TGFB2: variants seen among roughly 807,000 people sequenced by gnomAD.
TGFB2 encodes the protein transforming growth factor beta-2 proprotein.
A neutral mutation model predicts 42.7 loss-of-function variants in TGFB2; 13 were observed. The ratio of observed to expected loss-of-function variants is 0.30; its 90% CI spans 0.20 to 0.48. The LOEUF is 0.48. Among genes scored for constraint, TGFB2 ranks in the 20% least tolerant of loss-of-function variants. The probability of loss-of-function intolerance (pLI) is 0.99; values close to 1 mark genes in which losing one functional copy is unlikely to be tolerated. For synonymous variants in TGFB2, 193 were observed against 193.6 expected, an observed-to-expected ratio of 1.00 and a Z score of 0.03; for missense variants, 390 against 517.5, an observed-to-expected ratio of 0.75 and a Z score of 2.39.
Position 218,346,923 on chromosome 1 carries a change from C to G in TGFB2, c.222C>G (p.Thr74=). 6.2e-7 allele frequency: 1 copy of G among 1,614,202 alleles called. No individual in the cohort carries two copies. The highest frequency in any genetic ancestry group is 1.3e-5 in the African/African-American group (1 of 75,060). ...AGGTGATTTCCATCTACAACAGCAC[C>G]AGGGACTTGCTCCAGGAGAAGGCGA... The part of the protein sequence containing the change: ...PPEVISIYNS[T]RDLLQEKASR... Residue 74 remains threonine, a synonymous_variant, in exon 1 of 7, where the codon ACC becomes ACG. Transcript: ENST00000366930. The surrounding 1 kb of genome is among the most constrained non-coding windows in gnomAD (Gnocchi z 4.9).
At chr1:218,391,628 C>G (rs947711) in intron 1 of TGFB2, among the ~76,000 whole-genome samples, 58,348 of 151,930 alleles carry the variant, frequency 0.38, 13,479 homozygotes, top group African/African-American at 0.67. Context: ...TATTTAAAAT[C>G]AGGACTTAAA....
chr1:218,389,401 G>A (rs765030264), intron 1 of TGFB2, among the ~76,000 whole-genome samples: 48 of 152,254 alleles, frequency 3.2e-4, no homozygotes, highest in African/African-American at 1.1e-3. Context: ...ACCCTCGCCC[G>A]ATAGAGAGGC....
chr1:218,363,473 T>C, intron 1 of TGFB2: 1 of 1,533,592 alleles, frequency 6.5e-7, no homozygotes. Context: ...CAAATCCATC[T>C]TTAGTGTTTG....
chr1:218,348,935 G>C (rs1470662947), intron 1 of TGFB2, among the ~76,000 whole-genome samples: 2 of 152,170 alleles, frequency 1.3e-5, no homozygotes, highest in African/African-American at 4.8e-5. Flanking sequence ...TAACCCAAGA[G>C]GGCATTAGTT....
intron 1 of TGFB2, among the ~76,000 whole-genome samples, chr1:218,397,951 G>C (rs775438507): frequency 1.3e-5 from 2 of 152,168 alleles, no homozygotes; most frequent in African/African-American, 4.8e-5. Flanking sequence ...TGACCTTTCT[G>C]GCTTATCTTG....
In TGFB2 at chr1:218,413,769, C is replaced by T. The variant is rs114843849; in HGVS notation, c.510+8437C>T. 9.0e-3 allele frequency among the ~76,000 whole-genome samples: 1,364 copies of T among 152,308 alleles called. 17 individuals carry two copies. Among genetic ancestry groups the T allele is most frequent in the African/African-American group, 0.031 (1,275 of 41,580 alleles). On this transcript the variant is annotated intron_variant, in intron 2 of 6. Transcript: ENST00000366930. The stretch of plus-strand genomic sequence containing the variant: ...ACCTCTTTCCTTCGGATTTTAATGT[C>T]TCATTGCATTTGCATTTAAACAGTA...
At chr1:218,381,341 C>T (rs1657955390) in intron 1 of TGFB2, among the ~76,000 whole-genome samples, 2 of 151,398 alleles carry the variant, frequency 1.3e-5, no homozygotes, top group African/African-American at 4.9e-5. Context: ...CTGCAAGCTC[C>T]GCCTCCCGGG....
rs925444433 is a variant in TGFB2, at chr1:218,346,493, T to G, written c.-209T>G. 12 of 508,948 alleles carry G rather than the reference T, an allele frequency of 2.4e-5. No homozygotes were observed. In the South Asian group the frequency reaches 2.5e-4, roughly 11 times the overall value. The allele number at this position is 508,948 out of a possible 1,614,324, so 31.5% of individuals were successfully genotyped here. On this transcript the variant is annotated 5_prime_UTR_variant, in exon 1 of 7. Coordinates refer to ENST00000366930, the MANE Select transcript of TGFB2 (RefSeq NM_003238.6). The surrounding 1 kb of genome is among the most constrained non-coding windows in gnomAD (Gnocchi z 4.9). ...CGTCCCGTATTAATATTTCCACTTT[T>G]GGAACTACTGGCCTTTTCTTTTTAA...
At chr1:218,422,464 TTCCATCTCAGCG>T (rs1659488869) in intron 2 of TGFB2, among the ~76,000 whole-genome samples, 1 of 152,130 alleles carries the variant, frequency 6.6e-6, no homozygotes, top group Non-Finnish European at 1.5e-5. Flanking sequence ...CAAACGATCC[TTCCATCTCAGCG>T]TCCCATAGTG....
chr1:218,398,218 G>A (rs567771103), intron 1 of TGFB2, among the ~76,000 whole-genome samples: 2 of 152,250 alleles, frequency 1.3e-5, no homozygotes, highest in African/African-American at 2.4e-5. Flanking sequence ...CATTTATCAC[G>A]GATTCCTAGG....
At chr1:218,353,240 T>G (rs560561352) in intron 1 of TGFB2, among the ~76,000 whole-genome samples, 1 of 152,214 alleles carries the variant, frequency 6.6e-6, no homozygotes, top group Non-Finnish European at 1.5e-5. Context: ...TTTGCGATAG[T>G]TCCACTCAGT....
chr1:218,429,609 T>C (rs965592196), intron 2 of TGFB2, among the ~76,000 whole-genome samples: 1 of 152,156 alleles, frequency 6.6e-6, no homozygotes, highest in Non-Finnish European at 1.5e-5. Flanking sequence ...GCTATATATC[T>C]TAAGAATGGA....
intron 1 of TGFB2, among the ~76,000 whole-genome samples, chr1:218,394,791 A>T (rs1658443154): frequency 6.6e-6 from 1 of 152,144 alleles, no homozygotes; most frequent in African/African-American, 2.4e-5. Context: ...AGTGTTTGGG[A>T]TGTGGTAGTG....
chr1:218,359,420 A>G (rs1657140420), intron 1 of TGFB2, among the ~76,000 whole-genome samples: 1 of 152,210 alleles, frequency 6.6e-6, no homozygotes, highest in Non-Finnish European at 1.5e-5. Flanking sequence ...GATTCCACCT[A>G]CTAAACTTAC....
chr1:218,408,628 C>T (rs1423020815), intron 2 of TGFB2, among the ~76,000 whole-genome samples: 1 of 152,174 alleles, frequency 6.6e-6, no homozygotes, highest in Admixed American at 6.5e-5. Context: ...AGACAACTCA[C>T]ACACACTTTT....
At chr1:218,360,464 T>C (rs1262144867) in intron 1 of TGFB2, among the ~76,000 whole-genome samples, 1 of 152,124 alleles carries the variant, frequency 6.6e-6, no homozygotes, top group Admixed American at 6.5e-5. Flanking sequence ...AAATATCAGG[T>C]TTCTCACATG....
intron 2 of TGFB2, among the ~76,000 whole-genome samples, chr1:218,422,159 G>A (rs1355832177): frequency 1.3e-5 from 2 of 151,920 alleles, no homozygotes; most frequent in African/African-American, 2.4e-5. Context: ...GAAGAGAGAG[G>A]AGGATGCCTT....
At chr1:218,374,132 A>C (rs1002758271) in intron 1 of TGFB2, among the ~76,000 whole-genome samples, 1 of 152,254 alleles carries the variant, frequency 6.6e-6, no homozygotes, top group African/African-American at 2.4e-5. Flanking sequence ...TTCCCTGAAT[A>C]GGACAACTGT....
intron 1 of TGFB2, among the ~76,000 whole-genome samples, chr1:218,353,829 G>A (rs1656946431): frequency 6.6e-6 from 1 of 152,204 alleles, no homozygotes; most frequent in Non-Finnish European, 1.5e-5. Flanking sequence ...GTTTGAGGCT[G>A]CAGTGAGCTA....
Sources: allele counts gnomAD v4.1 joint callset (sites outside exome capture counted in the v4.1 genomes callset), GRCh38; gene constraint gnomAD v4.1.1; non-coding constraint Gnocchi (gnomAD v3.1); transcripts MANE v1.5; gene names NCBI Gene and HGNC (gene_info 2026-07-23, HGNC 2026-07-21).